Variants in PHF8 observed in about 807,000 individuals in gnomAD.
PHF8 encodes histone lysine demethylase PHF8.
In PHF8, 9 loss-of-function variants were observed where a neutral mutation model predicts 74.4. The observed-to-expected ratio is 0.12, with a 90% CI of 0.07 to 0.21. The LOEUF is 0.21. PHF8 is among the 10% of genes least tolerant of loss of function. The pLI is 1.00. For missense variants in PHF8, 478 were observed against 816.6 expected, an observed-to-expected ratio of 0.59 and a Z score of 5.05; for synonymous variants, 311 against 316.6, an observed-to-expected ratio of 0.98 and a Z score of 0.19.
chrX:53,968,739 T>C (rs1217317882), intron 18 of PHF8, among the ~76,000 whole-genome samples: 2 of 111,123 alleles, frequency 1.8e-5, no homozygotes, highest in African/African-American at 6.5e-5. Flanking sequence ...TGAAACCCCA[T>C]CTCTACTAAA....
At chrX:53,991,218 T>C (rs1557101269) in intron 14 of PHF8, among the ~76,000 whole-genome samples, 1 of 112,412 alleles carries the variant, frequency 8.9e-6, no homozygotes, top group Non-Finnish European at 1.9e-5. Context: ...CTTTTAGAAC[T>C]TGTTCTTTTA....
At chrX:54,034,810 C>T (rs186173118) in intron 2 of PHF8, among the ~76,000 whole-genome samples, 53 of 83,536 alleles carry the variant, frequency 6.3e-4, no homozygotes, top group East Asian at 3.4e-3. Flanking sequence ...GGCGACAGAG[C>T]GAGACTTCGT....
At chrX:53,978,140 G>T (rs1167677501) in intron 18 of PHF8, among the ~76,000 whole-genome samples, 5 of 108,241 alleles carry the variant, frequency 4.6e-5, no homozygotes, top group Non-Finnish European at 7.7e-5. Context: ...TAGAGACAGG[G>T]TTTGACCATA....
Position 54,043,806 on chromosome X carries a change from C to G in PHF8, c.-137G>C, listed in dbSNP as rs1033039074. 6.6e-6 allele frequency: 5 copies of G among 753,909 alleles called. No homozygotes were observed. Among genetic ancestry groups the G allele is most frequent in the Non-Finnish European group, 7.8e-6 (5 of 638,748 alleles). 62.1% of individuals were successfully genotyped at this position (753,909 alleles called of 1,213,427 possible). A position where few individuals can be genotyped will look rare whatever the true frequency, so the allele number is the denominator to read the frequency against. Reference sequence around the variant, plus strand: ...CAACTGACAGGAACCTCCTCACGCCCCAAACCTGACAAGAACGTCTTCAGT... The same window carrying G: ...CAACTGACAGGAACCTCCTCACGCCGCAAACCTGACAAGAACGTCTTCAGT... On this transcript the variant is annotated 5_prime_UTR_variant, in exon 1 of 22. Coordinates refer to ENST00000338154, the MANE Select transcript of PHF8 (RefSeq NM_015107.3).
intron 19 of PHF8, among the ~76,000 whole-genome samples, chrX:53,962,423 C>CT (rs2065119880): frequency 9.0e-6 from 1 of 110,918 alleles, no homozygotes. Flanking sequence ...CAGAGATGGC[C>CT]TCTCAGTATA....
chrX:54,043,000 G>A (rs2066589047), intron 1 of PHF8, 180 bp from the exon 2 acceptor site: 2 of 507,165 alleles, frequency 3.9e-6, no homozygotes, highest in South Asian at 5.8e-5. Context: ...CGTAAAGAAC[G>A]GAGCTCAACC....
intron 1 of PHF8, among the ~76,000 whole-genome samples, chrX:54,043,345 G>C (rs1189337819): frequency 9.0e-6 from 1 of 110,944 alleles, no homozygotes; most frequent in Non-Finnish European, 1.9e-5. Context: ...AGACAGACAA[G>C]ACTAGGCGCC....
chrX:54,018,510 G>A (rs189563474), intron 4 of PHF8, among the ~76,000 whole-genome samples: 278 of 107,243 alleles, frequency 2.6e-3, no homozygotes, highest in Middle Eastern at 4.8e-3. Context: ...TTAAATCATG[G>A]TGCAGAAAAT....
rs1437750762 is a variant in PHF8 at position 53,987,946 on chromosome X, T to C, written c.1731-2A>G. ...GATAAACTCTTCACCCTTTTCGTAC[T>C]GAAGGGAAGGAGAACATAAAAACAG... On this transcript the variant is annotated splice_acceptor_variant, in intron 14 of 21. Transcript: ENST00000338154. LOFTEE classifies it high-confidence loss of function. 2 of 1,193,862 alleles carry C rather than the reference T, an allele frequency of 1.7e-6. No individual in the cohort carries two copies. The highest frequency in any genetic ancestry group is 2.3e-6 in the Non-Finnish European group (2 of 883,675).
intron 1 of PHF8, chrX:54,043,163 T>C (rs1457390033): frequency 1.3e-6 from 1 of 781,248 alleles, no homozygotes; most frequent in African/African-American, 2.3e-5. Flanking sequence ...CTCCCCTAGC[T>C]GACCCCTGTT....
At chrX:53,986,090 T>A (rs2065560767) in intron 16 of PHF8, 141 bp from the exon 17 acceptor site, 1 of 590,740 alleles carries the variant, frequency 1.7e-6, no homozygotes, top group Non-Finnish European at 2.8e-6. Context: ...ATATTCATTC[T>A]TTTATCTTAA....
In PHF8 at chrX:53,938,775, G is replaced by A; in HGVS notation, c.*383C>T. On this transcript the variant is annotated 3_prime_UTR_variant, in exon 22 of 22. Coordinates refer to ENST00000338154, the MANE Select transcript of PHF8 (RefSeq NM_015107.3). ...AGAGTTGCAGAAAGTGTCAAGCACT[G>A]GGCTTCCCACTTCATGGCTCAGGCT... 1 of 780,519 alleles carries A rather than the reference G, an allele frequency of 1.3e-6. No homozygotes were observed. Among genetic ancestry groups the A allele is most frequent in the Non-Finnish European group, 1.5e-6 (1 of 656,538 alleles). 64.3% of individuals were successfully genotyped at this position (780,519 alleles called of 1,213,427 possible). A position where few individuals can be genotyped will look rare whatever the true frequency, so the allele number is the denominator to read the frequency against.
At chrX:54,019,782 C>T (rs1289732534) in intron 4 of PHF8, among the ~76,000 whole-genome samples, 3 of 81,569 alleles carry the variant, frequency 3.7e-5, no homozygotes, top group South Asian at 6.2e-4. Flanking sequence ...AGCAAGACAC[C>T]GCCTCAAAAA....
intron 18 of PHF8, among the ~76,000 whole-genome samples, chrX:53,980,743 G>GT (rs1423658909): frequency 8.9e-6 from 1 of 112,241 alleles, no homozygotes; most frequent in Non-Finnish European, 1.9e-5. Flanking sequence ...ATTAGAAAAC[G>GT]TAATACATAA....
At chrX:54,035,050 A>C (rs2066428593) in intron 2 of PHF8, among the ~76,000 whole-genome samples, 1 of 110,300 alleles carries the variant, frequency 9.1e-6, no homozygotes, top group African/African-American at 3.3e-5. Context: ...AAAGAGCATT[A>C]AGGCATATAA....
chrX:53,949,656 C>T (rs111433623), intron 19 of PHF8, among the ~76,000 whole-genome samples: 13,337 of 107,149 alleles, frequency 0.12, 889 homozygotes, highest in African/African-American at 0.24. Context: ...ACTAAAAATA[C>T]AAAAAATTAG....
At position 54,044,293 on chromosome X, in the gene PHF8, G is replaced by A. The variant is rs2066611746; in HGVS notation, c.-624C>T. The A allele has an allele frequency of 2.7e-6, 2 of 754,506 alleles. No individual in the cohort carries two copies. The highest frequency in any genetic ancestry group is 4.6e-5 in the African/African-American group (2 of 43,881). The allele number at this position is 754,506 out of a possible 1,213,427, so 62.2% of individuals were successfully genotyped here. On this transcript the variant is annotated 5_prime_UTR_variant, in exon 1 of 22. Transcript: ENST00000338154. ...AGGCACACGGCCCGAAAAGTCGCTG[G>A]GAGAAGCCCAGTGGCGGTGGTAGGC...
chrX:54,014,243 C>A, intron 7 of PHF8, 134 bp downstream of exon 7: 2 of 519,608 alleles, frequency 3.8e-6, no homozygotes, highest in South Asian at 5.2e-5. Flanking sequence ...GCGTGAGCCA[C>A]CGCGCCCGGC....
At chrX:53,973,939 A>C (rs2065333132) in intron 18 of PHF8, among the ~76,000 whole-genome samples, 1 of 111,393 alleles carries the variant, frequency 9.0e-6, no homozygotes, top group Admixed American at 9.6e-5. Context: ...AACTTAAACA[A>C]ATTTATAAGA....
Sources: gnomAD v4.1 joint callset for allele counts (sites outside exome capture counted in the v4.1 genomes callset) on GRCh38, gnomAD v4.1.1 for gene constraint, MANE v1.5 for transcripts, NCBI Gene and HGNC (gene_info 2026-07-23, HGNC 2026-07-21) for gene names.